CNTROB: variants seen among roughly 807,000 people sequenced by gnomAD.
CNTROB encodes the protein centrobin.
CNTROB carries 82 observed loss-of-function variants against 115.7 expected under a neutral mutation model. The observed-to-expected ratio is 0.71, with a 90% CI of 0.59 to 0.85. The LOEUF (loss-of-function observed/expected upper bound fraction) is 0.85, where lower values mean the gene tolerates loss of function less well. Among genes scored for constraint, CNTROB ranks in the 40% least tolerant of loss-of-function variants. The pLI is 0.00. For missense variants in CNTROB, 1,014 were observed against 1,144.4 expected (o/e 0.89, Z 1.64); for synonymous variants, 439 against 456.4 (o/e 0.96, Z 0.49).
chr17:7,945,958 G>C lies in CNTROB; in HGVS notation c.1965G>C (p.Glu655Asp), dbSNP rs1369516237. The stretch of plus-strand genomic sequence containing the variant: ...GCCAGCATTCTTTCCAGCCCCTGGA[G>C]CCCAAACCAGACCTCACTTCATCCA... ...FQSQHSFQPL[E>D]PKPDLTSSTA... is the part of the protein sequence containing the mutation. The change falls in exon 13 of 19, where the codon GAG becomes GAC. Residue 655 changes from glutamate to aspartate, a missense_variant. Transcript: ENST00000563694. 1 of 1,614,152 alleles carries C rather than the reference G, an allele frequency of 6.2e-7. No homozygotes were observed. The highest frequency in any genetic ancestry group is 2.2e-5 in the East Asian group (1 of 44,888).
Position 7,948,305 on chromosome 17 carries a change from C to T in CNTROB, c.2358C>T (p.Pro786=), listed in dbSNP as rs761167362. Reference sequence around the variant, plus strand: ...CCTCCCATTCACAAGGCAGTGGTCCCAGCAGTGGTTCCCCAGAGAGAGGTG... The same window carrying T: ...CCTCCCATTCACAAGGCAGTGGTCCTAGCAGTGGTTCCCCAGAGAGAGGTG... The part of the protein sequence containing the change: ...PPSSHSQGSG[P]SSGSPERGGD... Residue 786 remains proline (P), a synonymous_variant, in exon 16 of 19, where the codon CCC becomes CCT. Transcript: ENST00000563694. This position sits in a 1 kb window ranked among gnomAD's most constrained non-coding sequence, Gnocchi z 4.4. 1 of 1,614,018 alleles carries T rather than the reference C, an allele frequency of 6.2e-7. No individual in the cohort carries two copies. Among genetic ancestry groups the T allele is most frequent in the Non-Finnish European group, 8.5e-7 (1 of 1,180,026 alleles).
chr17:7,934,748 G>T lies in CNTROB; in HGVS notation c.437+202G>T, dbSNP rs544156175. ...ACAGGTATCTGTTGCCTAGTACCTG[G>T]CTTTCTCTTAACCTGCAGTCATTCT... On this transcript the variant is annotated intron_variant, in intron 3 of 18. Coordinates refer to ENST00000563694, the MANE Select transcript of CNTROB (RefSeq NM_053051.5). Among the ~76,000 whole-genome samples the T allele has an allele frequency of 2.0e-5, 3 of 152,232 alleles. No individual in the cohort carries two copies. In the East Asian group the frequency reaches 5.8e-4, roughly 29 times the overall value.
In CNTROB at chr17:7,939,250, G is replaced by A. The variant is rs1455884967; in HGVS notation, c.928-263G>A. Among the ~76,000 whole-genome samples the A allele has an allele frequency of 3.3e-5, 5 of 151,258 alleles. No homozygotes were observed. The highest frequency in any genetic ancestry group is 7.4e-5 in the Non-Finnish European group (5 of 67,916). The stretch of plus-strand genomic sequence containing the variant: ...TGGAATTACAGGCACCCACCACCAC[G>A]CCTGGCTAATTTTTGTATTTTTAGT... On this transcript the variant is annotated intron_variant, in intron 7 of 18. Transcript: ENST00000563694. The surrounding 1 kb of genome is among the most constrained non-coding windows in gnomAD (Gnocchi z 4.4).
At chr17:7,947,876 A>C in intron 14 of CNTROB, 40 bp from the exon 15 acceptor site, 8 of 1,611,370 alleles carry the variant, frequency 5.0e-6, no homozygotes, top group Non-Finnish European at 6.8e-6. Context: ...GTTTTTCTCT[A>C]TCAGTCCCTA....
intron 4 of CNTROB, 116 bp from the exon 5 acceptor site, chr17:7,936,250 C>T (rs752270076): frequency 5.5e-6 from 4 of 729,802 alleles, no homozygotes; most frequent in Non-Finnish European, 1.0e-5. Context: ...CTATTCTGTT[C>T]TTGGGACCCA....
Position 7,935,055 on chromosome 17 carries a change from C to T in CNTROB, c.504C>T (p.Arg168=). 1 of 1,614,230 alleles carries T rather than the reference C, an allele frequency of 6.2e-7. No individual in the cohort carries two copies. Among genetic ancestry groups the T allele is most frequent in the Non-Finnish European group, 8.5e-7 (1 of 1,180,046 alleles). ...SAQALEELFP[R]YTSLRPGPPL... is the part of the protein sequence containing the mutation. ...AAGCCCTGGAGGAGCTGTTTCCCCGCTACACCAGCCTTCGGCCAGGGCCTC... is the reference window on the plus strand; with the variant it reads ...AAGCCCTGGAGGAGCTGTTTCCCCGTTACACCAGCCTTCGGCCAGGGCCTC... Residue 168 remains arginine (R), a synonymous_variant, in exon 4 of 19, where the codon CGC becomes CGT. Coordinates refer to ENST00000563694, the MANE Select transcript of CNTROB (RefSeq NM_053051.5).
At position 7,948,747 on chromosome 17, in the gene CNTROB, G is replaced by A. The variant is rs1974865832; in HGVS notation, c.2513+128G>A. 2 of 1,601,602 alleles carry A rather than the reference G, an allele frequency of 1.2e-6. No homozygotes were observed. The highest frequency in any genetic ancestry group is 1.3e-5 in the African/African-American group (1 of 74,780). On this transcript the variant is annotated intron_variant, in intron 17 of 18. Coordinates refer to ENST00000563694, the MANE Select transcript of CNTROB (RefSeq NM_053051.5). The surrounding 1 kb of genome is among the most constrained non-coding windows in gnomAD (Gnocchi z 4.4). ...TGGGGAGGAAAGTGAAGGATGAGAG[G>A]TGGATCCACAGATCTTCTCTAACTG... is the stretch of plus-strand genomic sequence containing the variant.
In CNTROB at chr17:7,949,613, G is replaced by A. The variant is rs1974993712; in HGVS notation, c.*103G>A. The A allele has an allele frequency of 1.6e-6, 2 of 1,286,814 alleles. No homozygotes were observed. The highest frequency in any genetic ancestry group is 2.1e-6 in the Non-Finnish European group (2 of 970,426). 79.7% of individuals were successfully genotyped at this position (1,286,814 alleles called of 1,614,324 possible). ...CTGGCTCATAGGAATTTGGAAAATA[G>A]AGGTTTTGTAGGGAATCACTTCGTA... On this transcript the variant is annotated 3_prime_UTR_variant, in exon 19 of 19. Transcript: ENST00000563694.
rs761093218 is a variant in CNTROB, at chr17:7,944,450, A to G, written c.1572-26A>G. On this transcript the variant is annotated intron_variant, in intron 11 of 18. Transcript: ENST00000563694. This position sits in a 1 kb window ranked among gnomAD's most constrained non-coding sequence, Gnocchi z 4.0. ...AGTATCTGCTTCCTTAAAGGCCCTG[A>G]GTCACTTCTTCTCTCTTTGCTTCAG... 1 of 1,608,586 alleles carries G rather than the reference A, an allele frequency of 6.2e-7. No homozygotes were observed. The highest frequency in any genetic ancestry group is 8.5e-7 in the Non-Finnish European group (1 of 1,175,794).
intron 14 of CNTROB, 56 bp from the exon 15 acceptor site, chr17:7,947,860 C>A: frequency 6.2e-7 from 1 of 1,610,116 alleles, no homozygotes; most frequent in Non-Finnish European, 8.5e-7. Flanking sequence ...TCTCAGATCC[C>A]TGGGCGTTTT....
chr17:7,938,102 T>C (rs543123724), intron 7 of CNTROB, among the ~76,000 whole-genome samples: 1 of 150,668 alleles, frequency 6.6e-6, no homozygotes, highest in South Asian at 2.1e-4. Context: ...CCCTGGATTC[T>C]AGCGATTCTC....
At position 7,944,260 on chromosome 17, in the gene CNTROB, C is replaced by T. The variant is rs769924576; in HGVS notation, c.1571+12C>T. On this transcript the variant is annotated intron_variant, in intron 11 of 18. Coordinates refer to ENST00000563694, the MANE Select transcript of CNTROB (RefSeq NM_053051.5). This position sits in a 1 kb window ranked among gnomAD's most constrained non-coding sequence, Gnocchi z 4.0. Reference sequence around the variant, plus strand: ...GACTACGAGCTCAGGTCCTGGTCCCCAGAGTGCCCCTTTCAGGCCCCAGCC... The same window carrying T: ...GACTACGAGCTCAGGTCCTGGTCCCTAGAGTGCCCCTTTCAGGCCCCAGCC... 3.1e-6 allele frequency: 5 copies of T among 1,613,288 alleles called. No homozygotes were observed. The highest frequency in any genetic ancestry group is 4.2e-6 in the Non-Finnish European group (5 of 1,179,322).
chr17:7,949,178 GA>G, intron 18 of CNTROB, 21 bp downstream of exon 18: 1 of 1,612,028 alleles, frequency 6.2e-7, no homozygotes, highest in Non-Finnish European at 8.5e-7. Flanking sequence ...GTCAGGCAGG[GA>G]CCAGGGGAGA....
rs1282618873 is a variant in CNTROB at position 7,944,855 on chromosome 17, T to C, written c.1734+217T>C. ...ACCATGCCCAGCAAGAACTGTGTTCTAGATTCCTTCTTTGGAAATCTAGCT... is the reference window on the plus strand; with the variant it reads ...ACCATGCCCAGCAAGAACTGTGTTCCAGATTCCTTCTTTGGAAATCTAGCT... On this transcript the variant is annotated intron_variant, in intron 12 of 18. Transcript: ENST00000563694. The surrounding 1 kb of genome is among the most constrained non-coding windows in gnomAD (Gnocchi z 4.0). Among the ~76,000 whole-genome samples, 1 of 152,200 alleles carries C rather than the reference T, an allele frequency of 6.6e-6. No individual in the cohort carries two copies. Among genetic ancestry groups the C allele is most frequent in the Non-Finnish European group, 1.5e-5 (1 of 68,048 alleles).
Position 7,949,469 on chromosome 17 carries a change from G to A in CNTROB, c.2671G>A (p.Ala891Thr), listed in dbSNP as rs1199386822. The A allele has an allele frequency of 2.5e-6, 4 of 1,614,126 alleles. No individual in the cohort carries two copies. The Admixed American group carries it at 5.0e-5, about 20-fold the overall frequency. The change falls in exon 19 of 19, where the codon GCC (alanine) becomes ACC (threonine). Residue 891 changes from alanine (A) to threonine (T), a missense_variant. Ala to Thr is a moderately conservative substitution (Grantham distance 58). Coordinates refer to ENST00000563694, the MANE Select transcript of CNTROB (RefSeq NM_053051.5). ...CGCACGGAAGAAAAGTGGGCACCCT[G>A]CCCCGAGTAGCATGAGGAGCCGGGG... ...PPARKKSGHP[A>T]PSSMRSRGGV...
Position 7,948,606 on chromosome 17 carries a change from C to G in CNTROB, c.2500C>G (p.Leu834Val), listed in dbSNP as rs201279797. 6.0e-5 allele frequency: 97 copies of G among 1,613,982 alleles called. No homozygotes were observed. Among genetic ancestry groups the G allele is most frequent in the Non-Finnish European group, 7.7e-5 (91 of 1,180,046 alleles). ...AEDLLLYLKR[L>V]EHSGTDGRGD... ...GGATCTCCTGCTCTACCTGAAGAGGCTGGAACACAGCGGGTACAAGCCTGG... is the reference window on the plus strand; with the variant it reads ...GGATCTCCTGCTCTACCTGAAGAGGGTGGAACACAGCGGGTACAAGCCTGG... Residue 834 changes from leucine to valine, a missense_variant, in exon 17 of 19, where the codon CTG (leucine) becomes GTG (valine). Transcript: ENST00000563694. This position sits in a 1 kb window ranked among gnomAD's most constrained non-coding sequence, Gnocchi z 4.4.
Position 7,939,196 on chromosome 17 carries a change from G to A in CNTROB, c.928-317G>A, listed in dbSNP as rs145412444. Reference sequence around the variant, plus strand: ...CAACCTCCACCTCCCAGGTTAGAGCGATTCTCCTGCCTTTGCCTCCCAAGT... The same window carrying A: ...CAACCTCCACCTCCCAGGTTAGAGCAATTCTCCTGCCTTTGCCTCCCAAGT... On this transcript the variant is annotated intron_variant, in intron 7 of 18. Coordinates refer to ENST00000563694, the MANE Select transcript of CNTROB (RefSeq NM_053051.5). The surrounding 1 kb of genome is among the most constrained non-coding windows in gnomAD (Gnocchi z 4.4). 1.8e-4 allele frequency among the ~76,000 whole-genome samples: 28 copies of A among 152,124 alleles called. No individual in the cohort carries two copies. Among genetic ancestry groups the A allele is most frequent in the South Asian group, 4.2e-4 (2 of 4,816 alleles).
Position 7,943,659 on chromosome 17 carries a change from G to A in CNTROB, c.1445+135G>A. 1 of 932,864 alleles carries A rather than the reference G, an allele frequency of 1.1e-6. No homozygotes were observed. Among genetic ancestry groups the A allele is most frequent in the Admixed American group, 3.0e-5 (1 of 33,186 alleles). 57.8% of individuals were successfully genotyped at this position (932,864 alleles called of 1,614,324 possible). A position where few individuals can be genotyped will look rare whatever the true frequency, so the allele number is the denominator to read the frequency against. ...GGGTGCGCTAACTCCCATCAGCTGG[G>A]ACCTGAGTCTCTCTCGGGAGGGCTG... On this transcript the variant is annotated intron_variant, in intron 10 of 18. Coordinates refer to ENST00000563694, the MANE Select transcript of CNTROB (RefSeq NM_053051.5). The surrounding 1 kb of genome is among the most constrained non-coding windows in gnomAD (Gnocchi z 4.7).
At position 7,935,081 on chromosome 17, in the gene CNTROB, C is replaced by T. The variant is rs746012344; in HGVS notation, c.530C>T (p.Pro177Leu). Residue 177 changes from proline (P) to leucine (L), a missense_variant, in exon 4 of 19, where the codon CCA becomes CTA. By Grantham distance (98) the Pro-to-Leu change is moderately conservative. Coordinates refer to ENST00000563694, the MANE Select transcript of CNTROB (RefSeq NM_053051.5). ...TACACCAGCCTTCGGCCAGGGCCTC[C>T]ACTCAATCCCCCAGATTTTCAGGGG... is the stretch of plus-strand genomic sequence containing the variant. Reference protein sequence around the residue: ...PRYTSLRPGPPLNPPDFQGLR... With the variant: ...PRYTSLRPGPLLNPPDFQGLR... 22 of 1,614,112 alleles carry T rather than the reference C, an allele frequency of 1.4e-5. No individual in the cohort carries two copies. Among genetic ancestry groups the T allele is most frequent in the Admixed American group, 1.7e-5 (1 of 60,010 alleles).
Sources: allele counts gnomAD v4.1 joint callset (sites outside exome capture counted in the v4.1 genomes callset), GRCh38; gene constraint gnomAD v4.1.1; non-coding constraint Gnocchi (gnomAD v3.1); transcripts MANE v1.5; gene names NCBI Gene and HGNC (gene_info 2026-07-23, HGNC 2026-07-21).